TRPC1: variants seen among roughly 807,000 people sequenced by gnomAD.
TRPC1 encodes the protein short transient receptor potential channel 1.
TRPC1 carries 42 observed loss-of-function variants against 88.2 expected under a neutral mutation model. That is an observed-to-expected ratio of 0.48 (90% CI 0.37 to 0.62). The LOEUF (loss-of-function observed/expected upper bound fraction) is 0.62. Among genes scored for constraint, TRPC1 ranks in the 20% least tolerant of loss-of-function variants. The pLI, the probability that TRPC1 is intolerant of heterozygous loss-of-function variation, is 0.00. For synonymous variants in TRPC1, 288 were observed against 331.8 expected (o/e 0.87, Z 1.43); for missense variants, 699 against 957.3 (o/e 0.73, Z 3.56).
chr3:142,765,432 C>T (rs1935349118), intron 4 of TRPC1, among the ~76,000 whole-genome samples: 1 of 152,142 alleles, frequency 6.6e-6, no homozygotes, highest in African/African-American at 2.4e-5. Context: ...TACCACAAGG[C>T]TACTGTAACC....
chr3:142,776,786 C>A lies in TRPC1; in HGVS notation c.633-846C>A, dbSNP rs1357790814. ...GGCGTGGTGGCACATGCCTGTAATC[C>A]CAGCTACTTGGGAGGCTGAGGCAGG... is the stretch of plus-strand genomic sequence containing the variant. On this transcript the variant is annotated intron_variant, in intron 4 of 12. Transcript: ENST00000476941. This position sits in a 1 kb window ranked among gnomAD's most constrained non-coding sequence, Gnocchi z 4.1. 4.0e-5 allele frequency among the ~76,000 whole-genome samples: 6 copies of A among 151,840 alleles called. No individual in the cohort carries two copies. In the East Asian group the frequency reaches 9.7e-4, roughly 24 times the overall value.
In TRPC1 at chr3:142,784,940, G is replaced by A. The variant is rs995339465; in HGVS notation, c.1197G>A (p.Leu399=). The A allele has an allele frequency of 2.5e-6, 4 of 1,613,942 alleles. No individual in the cohort carries two copies. In the East Asian group the frequency reaches 6.7e-5, roughly 27 times the overall value. Residue 399 remains leucine, a synonymous_variant, in exon 7 of 13, where the codon CTG becomes CTA. Coordinates refer to ENST00000476941, the MANE Select transcript of TRPC1 (RefSeq NM_001251845.2). The part of the protein sequence containing the change: ...IHGASYFTFL[L]LLNLYSLVYN... ...GAGCATCATATTTCACATTTCTGCT[G>A]TTGCTTAATCTATACTCTCTTGTCT...
chr3:142,773,308 G>GT (rs1418376235), intron 4 of TRPC1, among the ~76,000 whole-genome samples: 5 of 151,828 alleles, frequency 3.3e-5, no homozygotes, highest in African/African-American at 9.7e-5. Context: ...CACCTCCTGG[G>GT]TTCAAGCAAT....
chr3:142,740,804 T>TGGTAAGAGAAAGATGGAATTAAGTCAA (rs1934317332), intron 2 of TRPC1, among the ~76,000 whole-genome samples: 2 of 151,516 alleles, frequency 1.3e-5, no homozygotes, highest in Non-Finnish European at 2.9e-5. Context: ...AGAAAACGAG[T>TGGTAAGAGAAAGATGGAATTAAGTCAA]GGTAAGAGAA....
chr3:142,736,726 CA>C (rs538216457), intron 2 of TRPC1, among the ~76,000 whole-genome samples, 193 bp downstream of exon 2: 33 of 151,446 alleles, frequency 2.2e-4, no homozygotes, highest in Non-Finnish European at 1.3e-4. Context: ...AAAAACAAAC[CA>C]AAAAAAACTT....
chr3:142,737,330 ATATATATGTATG>A (rs1348501676), intron 2 of TRPC1, among the ~76,000 whole-genome samples: 5 of 60,114 alleles, frequency 8.3e-5, no homozygotes, highest in African/African-American at 3.2e-4. Context: ...TATTTTATAT[ATATATATGTATG>A]TATGTATGTA....
At position 142,724,650 on chromosome 3, in the gene TRPC1, G is replaced by A; in HGVS notation, c.91G>A (p.Val31Met). Reference protein sequence around the residue: ...SSPSSSSPNEVMALKDVREVK... With the variant: ...SSPSSSSPNEMMALKDVREVK... ...TCCATCCTCTTCCTCGCCGAACGAG[G>A]TGATGGCGCTGAAGGATGTGCGGGA... Residue 31 changes from valine (V) to methionine (M), a missense_variant, in exon 1 of 13, where the codon GTG (valine) becomes ATG (methionine). Val to Met is a conservative substitution (Grantham distance 21). Around this residue, in one of 4 missense-constraint regions of TRPC1, gnomAD observed 157 missense variants for 127.0 expected, o/e 1.24. Coordinates refer to ENST00000476941, the MANE Select transcript of TRPC1 (RefSeq NM_001251845.2). This position sits in a 1 kb window ranked among gnomAD's most constrained non-coding sequence, Gnocchi z 5.6. The A allele has an allele frequency of 6.2e-7, 1 of 1,613,156 alleles. No individual in the cohort carries two copies. The highest frequency in any genetic ancestry group is 8.5e-7 in the Non-Finnish European group (1 of 1,179,590).
chr3:142,798,963 G>C (rs936699493), intron 9 of TRPC1, among the ~76,000 whole-genome samples: 1 of 152,076 alleles, frequency 6.6e-6, no homozygotes, highest in African/African-American at 2.4e-5. Context: ...TTTTGCCTCT[G>C]TTATTTCTAA....
Position 142,807,476 on chromosome 3 carries a change from T to C in TRPC1, c.*1241T>C, listed in dbSNP as rs1345269809. The C allele has an allele frequency of 1.3e-5, 2 of 152,224 alleles. No homozygotes were observed. The highest frequency in any genetic ancestry group is 2.9e-5 in the Non-Finnish European group (2 of 68,038). The allele number at this position is 152,224 out of a possible 1,614,324, so 9.4% of individuals were successfully genotyped here. ...AGTTAAGAGGATATTAGGTATATAATTCTCTTCTTAACCGAATGTCAGATG... is the reference window on the plus strand; with the variant it reads ...AGTTAAGAGGATATTAGGTATATAACTCTCTTCTTAACCGAATGTCAGATG... On this transcript the variant is annotated 3_prime_UTR_variant, in exon 13 of 13. Transcript: ENST00000476941.
At chr3:142,763,031 G>C (rs752054197) in intron 4 of TRPC1, among the ~76,000 whole-genome samples, 4 of 152,046 alleles carry the variant, frequency 2.6e-5, no homozygotes, top group Non-Finnish European at 5.9e-5. Flanking sequence ...GGTCAGAAAA[G>C]ATACTTGTGA....
intron 1 of TRPC1, among the ~76,000 whole-genome samples, chr3:142,725,609 C>T (rs780990590): frequency 3.9e-5 from 6 of 151,976 alleles, no homozygotes; most frequent in Non-Finnish European, 7.4e-5. Context: ...AATTGATTGC[C>T]CTAAGACTGC....
chr3:142,750,097 C>G (rs536026806), intron 4 of TRPC1, among the ~76,000 whole-genome samples: 1 of 152,282 alleles, frequency 6.6e-6, no homozygotes, highest in South Asian at 2.1e-4. Flanking sequence ...TAAAGAGCTT[C>G]TGCACAGCAA....
intron 4 of TRPC1, among the ~76,000 whole-genome samples, chr3:142,753,421 A>G (rs1934847301): frequency 6.6e-6 from 1 of 152,194 alleles, no homozygotes; most frequent in South Asian, 2.1e-4. Context: ...GACTTAAGTC[A>G]TTTCTGGGAA....
At chr3:142,778,069 G>A (rs980838665) in intron 5 of TRPC1, among the ~76,000 whole-genome samples, 5 of 152,094 alleles carry the variant, frequency 3.3e-5, no homozygotes, top group African/African-American at 1.2e-4. Flanking sequence ...GCCTAAAGCA[G>A]GAGCAAATTT....
intron 1 of TRPC1, among the ~76,000 whole-genome samples, chr3:142,726,135 T>G (rs1210779243): frequency 1.3e-5 from 2 of 152,170 alleles, no homozygotes; most frequent in Non-Finnish European, 2.9e-5. Context: ...TCAAAAGTTC[T>G]GAGAGAGGAA....
At chr3:142,736,317 T>G in intron 1 of TRPC1, 62 bp from the exon 2 acceptor site, 1 of 1,308,710 alleles carries the variant, frequency 7.6e-7, no homozygotes, top group Non-Finnish European at 1.0e-6. Flanking sequence ...AAGTTTTTCT[T>G]TACAGTCATC....
At chr3:142,769,295 T>C (rs1425953528) in intron 4 of TRPC1, among the ~76,000 whole-genome samples, 1 of 152,202 alleles carries the variant, frequency 6.6e-6, no homozygotes, top group Non-Finnish European at 1.5e-5. Flanking sequence ...CTTTGCTCTT[T>C]TTTGTCACTG....
chr3:142,788,936 G>C (rs1421299843), intron 7 of TRPC1, among the ~76,000 whole-genome samples: 1 of 152,096 alleles, frequency 6.6e-6, no homozygotes, highest in Admixed American at 6.6e-5. Context: ...GGTCTTCACT[G>C]TACTTTCATG....
intron 4 of TRPC1, among the ~76,000 whole-genome samples, chr3:142,769,541 A>G (rs779605316): frequency 5.0e-4 from 76 of 152,012 alleles, no homozygotes; most frequent in Admixed American, 7.9e-4. Flanking sequence ...TCCTCTAAGC[A>G]CTGCTTTAGC....
Sources: allele counts gnomAD v4.1 joint callset (sites outside exome capture counted in the v4.1 genomes callset), GRCh38; gene constraint gnomAD v4.1.1; regional missense constraint gnomAD v4.1.1; non-coding constraint Gnocchi (gnomAD v3.1); transcripts MANE v1.5; gene names NCBI Gene and HGNC (gene_info 2026-07-23, HGNC 2026-07-21).